The following DHX15 variants were observed in gnomAD, a reference collection of about 807,000 sequenced individuals.
DHX15 encodes ATP-dependent RNA helicase DHX15.
In DHX15, 11 loss-of-function variants were observed where a neutral mutation model predicts 94.4. That is an observed-to-expected ratio of 0.12 (90% CI 0.07 to 0.19). The LOEUF is 0.19. Ranked by LOEUF, DHX15 falls within the 10% of genes least tolerant of loss-of-function variation. The pLI, the probability that DHX15 is intolerant of heterozygous loss-of-function variation, is 1.00. For synonymous variants in DHX15, 338 were observed against 329.9 expected, an observed-to-expected ratio of 1.02 and a Z score of -0.27; for missense variants, 304 against 988.5, an observed-to-expected ratio of 0.31 and a Z score of 9.29.
chr4:24,566,278 C>T (rs1331623290), intron 3 of DHX15, among the ~76,000 whole-genome samples: 4 of 152,064 alleles, frequency 2.6e-5, no homozygotes, highest in African/African-American at 9.7e-5. Context: ...TCAAGTGATC[C>T]TCCTGCCTCA....
chr4:24,538,063 G>C (rs1439880603), intron 10 of DHX15: 1 of 152,066 alleles, frequency 6.6e-6, no homozygotes, highest in Non-Finnish European at 1.5e-5. Flanking sequence ...ACTTTAAATT[G>C]TTACAAAGCA....
At chr4:24,559,596 T>C (rs1240654540) in intron 3 of DHX15, among the ~76,000 whole-genome samples, 1 of 152,110 alleles carries the variant, frequency 6.6e-6, no homozygotes, top group Non-Finnish European at 1.5e-5. Context: ...GGCTAAGGAA[T>C]GAGTCACAAT....
At chr4:24,532,226 TAAAC>T (rs1472601370) in intron 12 of DHX15, among the ~76,000 whole-genome samples, 2 of 152,356 alleles carry the variant, frequency 1.3e-5, no homozygotes, top group South Asian at 2.1e-4. Context: ...ACAGCATACT[TAAAC>T]TAAATAAAAC....
At chr4:24,554,009 G>T (rs1200152131) in intron 5 of DHX15, among the ~76,000 whole-genome samples, 1 of 152,016 alleles carries the variant, frequency 6.6e-6, no homozygotes, top group Non-Finnish European at 1.5e-5. Context: ...ACGAGGTCAG[G>T]AGATTGAGAC....
intron 3 of DHX15, among the ~76,000 whole-genome samples, chr4:24,567,020 G>C (rs1025534024): frequency 6.6e-6 from 1 of 152,044 alleles, no homozygotes; most frequent in African/African-American, 2.4e-5. Context: ...CCAACACATA[G>C]AAGGTACTTA....
At chr4:24,576,009 A>G (rs1479002300) in intron 2 of DHX15, among the ~76,000 whole-genome samples, 1 of 152,208 alleles carries the variant, frequency 6.6e-6, no homozygotes, top group Non-Finnish European at 1.5e-5. Flanking sequence ...TCTGCCATAC[A>G]TAAGGTAACA....
At chr4:24,544,890 T>C (rs1459052464) in intron 6 of DHX15, among the ~76,000 whole-genome samples, 1 of 151,912 alleles carries the variant, frequency 6.6e-6, no homozygotes, top group African/African-American at 2.4e-5. Context: ...AGGAGGATTA[T>C]TTGAGTCCAG....
At chr4:24,528,758 C>T (rs996277929) in intron 13 of DHX15, among the ~76,000 whole-genome samples, 1 of 152,006 alleles carries the variant, frequency 6.6e-6, no homozygotes, top group Non-Finnish European at 1.5e-5. Context: ...TAAAACAATC[C>T]GTTCTTACTC....
At position 24,569,046 on chromosome 4, in the gene DHX15, T is replaced by C. The variant is rs1384874193; in HGVS notation, c.701+1608A>G. 2.0e-5 allele frequency among the ~76,000 whole-genome samples: 3 copies of C among 152,152 alleles called. No homozygotes were observed. The East Asian group carries it at 5.8e-4, about 29-fold the overall frequency. On this transcript the variant is annotated intron_variant, in intron 3 of 13. Coordinates refer to ENST00000336812, the MANE Select transcript of DHX15 (RefSeq NM_001358.3). Reference sequence around the variant, plus strand: ...TAATAAAATGAGATAAATCAAAGAATTAGAAAAAACTGACACAAATGTTGA... The same window carrying C: ...TAATAAAATGAGATAAATCAAAGAACTAGAAAAAACTGACACAAATGTTGA...
Position 24,578,476 on chromosome 4 carries a change from A to G in DHX15, c.72-1798T>C, listed in dbSNP as rs531460403. On this transcript the variant is annotated intron_variant, in intron 1 of 13. Transcript: ENST00000336812. ...TACAGCTAGAAAAGAACTCTTAAAG[A>G]ACATCTGGTCTGAACAAAAAGGATT... Among the ~76,000 whole-genome samples, 135 of 152,360 alleles carry G rather than the reference A, an allele frequency of 8.9e-4. 2 individuals carry two copies. Among genetic ancestry groups the G allele is most frequent in the African/African-American group, 3.1e-3 (131 of 41,590 alleles).
At chr4:24,572,768 G>A (rs533590012) in intron 2 of DHX15, among the ~76,000 whole-genome samples, 1 of 152,140 alleles carries the variant, frequency 6.6e-6, no homozygotes, top group Non-Finnish European at 1.5e-5. Context: ...ATGGTTTCAA[G>A]GACTTTCAAG....
Position 24,584,512 on chromosome 4 carries a change from C to A in DHX15, c.-119G>T, listed in dbSNP as rs1272212866. 5 of 990,446 alleles carry A rather than the reference C, an allele frequency of 5.0e-6. No individual in the cohort carries two copies. The highest frequency in any genetic ancestry group is 7.2e-6 in the Non-Finnish European group (5 of 694,622). 61.4% of individuals were successfully genotyped at this position (990,446 alleles called of 1,614,324 possible). A position where few individuals can be genotyped will look rare whatever the true frequency, so the allele number is the denominator to read the frequency against. On this transcript the variant is annotated 5_prime_UTR_variant, in exon 1 of 14. Coordinates refer to ENST00000336812, the MANE Select transcript of DHX15 (RefSeq NM_001358.3). ...ACCCCTCCCGCTACTACAGCCCACA[C>A]GGTGCGGCCGGAACCAACAGCTAAA...
intron 2 of DHX15, among the ~76,000 whole-genome samples, chr4:24,573,458 A>G (rs1288143467): frequency 1.3e-5 from 2 of 152,188 alleles, no homozygotes; most frequent in Non-Finnish European, 2.9e-5. Flanking sequence ...TCAAAAGCAA[A>G]GCCATTTCTC....
At chr4:24,533,120 A>C (rs759268762) in intron 11 of DHX15, 66 bp from the exon 12 acceptor site, 1 of 1,334,254 alleles carries the variant, frequency 7.5e-7, no homozygotes, top group Non-Finnish European at 1.1e-6. Context: ...ATGTTCTCTA[A>C]TTAAAAAAAT....
chr4:24,541,669 G>A (rs909728412), intron 8 of DHX15, among the ~76,000 whole-genome samples: 3 of 152,032 alleles, frequency 2.0e-5, no homozygotes, highest in African/African-American at 4.8e-5. Context: ...GGCGTGGGAG[G>A]GGGAGGGTCT....
At chr4:24,529,012 A>T (rs200845832) in intron 13 of DHX15, among the ~76,000 whole-genome samples, 8,129 of 133,940 alleles carry the variant, frequency 0.061, 335 homozygotes, top group African/African-American at 0.12. Flanking sequence ...TAAAAAAATT[A>T]AAAAAAAACC....
Position 24,576,475 on chromosome 4 carries a change from G to A in DHX15, c.275C>T (p.Thr92Met), listed in dbSNP as rs750819975. ...SAHSTHSAHSTHSTHSAHSTH... is the reference protein window; with the variant it reads ...SAHSTHSAHSMHSTHSAHSTH... ...TGAATGAGCAGAATGTGTTGAATGC[G>A]TTGAATGTGCTGAGTGGGTTGAGTG... The change falls in exon 2 of 14, where the codon ACG (threonine) becomes ATG (methionine). Residue 92 changes from threonine to methionine, a missense_variant. Thr to Met is a moderately conservative substitution (Grantham distance 81, BLOSUM62 -1). Around this residue, in one of 9 missense-constraint regions of DHX15, gnomAD observed 143 missense variants for 200.5 expected, o/e 0.71. Transcript: ENST00000336812. 8.1e-6 allele frequency: 13 copies of A among 1,614,070 alleles called. No homozygotes were observed. In the East Asian group the frequency reaches 8.9e-5, roughly 11 times the overall value.
chr4:24,553,367 T>C (rs1721654764), intron 5 of DHX15, among the ~76,000 whole-genome samples: 2 of 151,880 alleles, frequency 1.3e-5, no homozygotes, highest in Non-Finnish European at 2.9e-5. Flanking sequence ...AAAAATATAC[T>C]ATGCACTTTG....
intron 3 of DHX15, among the ~76,000 whole-genome samples, chr4:24,566,378 C>T (rs947710940): frequency 2.0e-5 from 3 of 152,140 alleles, no homozygotes; most frequent in African/African-American, 7.2e-5. Context: ...GAAACCCACT[C>T]TGGAATCTGC....
Sources: gnomAD v4.1 joint callset for allele counts (sites outside exome capture counted in the v4.1 genomes callset) on GRCh38, gnomAD v4.1.1 for gene constraint, gnomAD v4.1.1 regional missense constraint, MANE v1.5 for transcripts, NCBI Gene and HGNC (gene_info 2026-07-23, HGNC 2026-07-21) for gene names.